Variants in SNAP25 observed in about 807,000 individuals in gnomAD.
The protein encoded by SNAP25 is synaptosome associated protein 25, also known as synaptosomal-associated protein 25.
SNAP25 carries 3 observed loss-of-function variants against 28.7 expected under a neutral mutation model. That is an observed-to-expected ratio of 0.10 (90% CI 0.05 to 0.27). SNAP25 has a LOEUF of 0.27. Among genes scored for constraint, SNAP25 ranks in the 10% least tolerant of loss-of-function variants. The probability of loss-of-function intolerance (pLI) is 1.00; values close to 1 mark genes in which losing one functional copy is unlikely to be tolerated. For missense variants in SNAP25, 117 were observed against 278.7 expected (o/e 0.42, Z 4.13); for synonymous variants, 61 against 88.1 (o/e 0.69, Z 1.72).
intron 2 of SNAP25, among the ~76,000 whole-genome samples, chr20:10,276,252 C>CTTGAGCT (rs1158430168): frequency 6.6e-6 from 1 of 152,066 alleles, no homozygotes; most frequent in Non-Finnish European, 1.5e-5. Flanking sequence ...AGTTCATGAC[C>CTTGAGCT]AGCCTGAGCA....
At chr20:10,233,959 C>T (rs548405899) in intron 1 of SNAP25, among the ~76,000 whole-genome samples, 4 of 152,130 alleles carry the variant, frequency 2.6e-5, no homozygotes, top group Admixed American at 2.0e-4. Context: ...CAATTTTGGC[C>T]CAATGGATCA....
intron 1 of SNAP25, among the ~76,000 whole-genome samples, chr20:10,248,193 A>C (rs939143569): frequency 2.0e-5 from 3 of 152,230 alleles, no homozygotes; most frequent in African/African-American, 7.2e-5. Flanking sequence ...TGTGCACAGA[A>C]GCCAACAAAA....
At chr20:10,263,265 C>T (rs961603554) in intron 1 of SNAP25, among the ~76,000 whole-genome samples, 4 of 151,544 alleles carry the variant, frequency 2.6e-5, no homozygotes, top group East Asian at 2.0e-4. Context: ...ATGATCCGCC[C>T]GCCTCGGTCT....
intron 1 of SNAP25, among the ~76,000 whole-genome samples, chr20:10,270,707 AAAAG>A (rs1443558735): frequency 1.3e-5 from 2 of 152,238 alleles, no homozygotes; most frequent in East Asian, 1.9e-4. Flanking sequence ...TCAAAAAAAA[AAAAG>A]AAAGAAAGAA....
chr20:10,296,872 A>C, intron 5 of SNAP25, 53 bp from the exon 6 acceptor site: 1 of 1,609,194 alleles, frequency 6.2e-7, no homozygotes, highest in Non-Finnish European at 8.5e-7. Context: ...ACAATTGTTG[A>C]GAGCTTGCTC....
At chr20:10,283,424 G>GC (rs1417811029) in intron 3 of SNAP25, among the ~76,000 whole-genome samples, 2 of 152,116 alleles carry the variant, frequency 1.3e-5, no homozygotes, top group Admixed American at 1.3e-4. Flanking sequence ...GACTCCTGAG[G>GC]CCACCCTGGG....
At chr20:10,267,377 T>C (rs968551801) in intron 1 of SNAP25, among the ~76,000 whole-genome samples, 1 of 151,794 alleles carries the variant, frequency 6.6e-6, no homozygotes, top group African/African-American at 2.4e-5. Context: ...AAAAAAGAAA[T>C]AAGAATAAAG....
intron 1 of SNAP25, among the ~76,000 whole-genome samples, chr20:10,222,307 A>T (rs923055033): frequency 8.5e-5 from 13 of 152,264 alleles, no homozygotes; most frequent in Non-Finnish European, 1.5e-4. Context: ...AGTGAATGTA[A>T]CCAACAATAA....
At chr20:10,280,758 T>A (rs1198037852) in intron 3 of SNAP25, among the ~76,000 whole-genome samples, 2 of 152,220 alleles carry the variant, frequency 1.3e-5, no homozygotes, top group African/African-American at 4.8e-5. Flanking sequence ...CATGGAGTGG[T>A]TATTGCACAA....
intron 1 of SNAP25, among the ~76,000 whole-genome samples, chr20:10,260,938 A>T (rs1169050205): frequency 6.6e-6 from 1 of 151,972 alleles, no homozygotes; most frequent in African/African-American, 2.4e-5. Context: ...TCCTGATATA[A>T]CTCTTTCAAA....
At chr20:10,299,439 C>T in intron 7 of SNAP25, 27 bp downstream of exon 7, 1 of 1,604,190 alleles carries the variant, frequency 6.2e-7, no homozygotes, top group Non-Finnish European at 8.5e-7. Flanking sequence ...CAGCAAGTCC[C>T]TACTGCGAGT....
chr20:10,233,364 T>C (rs1369573274), intron 1 of SNAP25, among the ~76,000 whole-genome samples: 1 of 149,074 alleles, frequency 6.7e-6, no homozygotes, highest in Non-Finnish European at 1.5e-5. Flanking sequence ...TGAAAATATA[T>C]GCAACCCAGA....
In SNAP25 at chr20:10,306,210, G is replaced by T; in HGVS notation, c.*13G>T. ...GGGAAGTGGTTAAGTGTGCCCACCC[G>T]TGTTCTCCTCCAAATGCTGTCGGGC... On this transcript the variant is annotated 3_prime_UTR_variant, in exon 8 of 8. Coordinates refer to ENST00000254976, the MANE Select transcript of SNAP25 (RefSeq NM_130811.4). 3 of 1,612,866 alleles carry T rather than the reference G, an allele frequency of 1.9e-6. No individual in the cohort carries two copies. Among genetic ancestry groups the T allele is most frequent in the Non-Finnish European group, 2.5e-6 (3 of 1,179,326 alleles).
chr20:10,300,994 A>G (rs2064222606), intron 7 of SNAP25, among the ~76,000 whole-genome samples: 1 of 152,172 alleles, frequency 6.6e-6, no homozygotes, highest in Non-Finnish European at 1.5e-5. Context: ...TGAAAAAAAC[A>G]GGAAGTATTC....
chr20:10,236,477 T>C (rs1183599365), intron 1 of SNAP25, among the ~76,000 whole-genome samples: 1 of 152,180 alleles, frequency 6.6e-6, no homozygotes, highest in East Asian at 1.9e-4. Flanking sequence ...CCTGTCTTGG[T>C]AAAGACGATT....
intron 3 of SNAP25, among the ~76,000 whole-genome samples, chr20:10,279,542 C>T (rs2063746099): frequency 6.6e-6 from 1 of 152,136 alleles, no homozygotes; most frequent in South Asian, 2.1e-4. Context: ...TGAACTGATC[C>T]CTTACACATC....
intron 1 of SNAP25, among the ~76,000 whole-genome samples, chr20:10,262,378 T>C (rs1251195740): frequency 6.6e-6 from 1 of 152,224 alleles, no homozygotes; most frequent in Non-Finnish European, 1.5e-5. Flanking sequence ...TCCACCTTTC[T>C]GAGCTTCCCT....
intron 1 of SNAP25, among the ~76,000 whole-genome samples, chr20:10,272,702 C>T (rs918042307): frequency 1.3e-5 from 2 of 152,180 alleles, no homozygotes; most frequent in East Asian, 1.9e-4. Context: ...CGAAAATTAG[C>T]AGGCTCATCG....
intron 4 of SNAP25, among the ~76,000 whole-genome samples, chr20:10,288,154 TATA>T (rs1462109841): frequency 2.6e-5 from 4 of 151,750 alleles, no homozygotes; most frequent in African/African-American, 4.8e-5. Context: ...AAACTTAAAG[TATA>T]ATAATAATAA....
Sources: gnomAD v4.1 joint callset for allele counts (sites outside exome capture counted in the v4.1 genomes callset) on GRCh38, gnomAD v4.1.1 for gene constraint, MANE v1.5 for transcripts, NCBI Gene and HGNC (gene_info 2026-07-23, HGNC 2026-07-21) for gene names.